Variants in SPG21 observed in about 807,000 individuals in gnomAD.
SPG21 encodes the protein maspardin.
SPG21 carries 26 observed loss-of-function variants against 38.9 expected under a neutral mutation model. That is an observed-to-expected ratio of 0.67 (90% CI 0.49 to 0.93). The LOEUF is 0.93. Ranked by LOEUF, SPG21 falls within the 40% of genes least tolerant of loss-of-function variation. The pLI is 0.00. For missense variants in SPG21, 333 were observed against 376.5 expected (o/e 0.88, Z 0.96); for synonymous variants, 136 against 128.9 (o/e 1.05, Z -0.37).
At chr15:64,982,428 A>G (rs1371903077) in intron 2 of SPG21, among the ~76,000 whole-genome samples, 1 of 152,054 alleles carries the variant, frequency 6.6e-6, no homozygotes, top group African/African-American at 2.4e-5. Flanking sequence ...TTACAGGTGC[A>G]CAGCACCATG....
intron 2 of SPG21, among the ~76,000 whole-genome samples, chr15:64,982,670 G>A (rs1459146292): frequency 6.6e-6 from 1 of 152,242 alleles, no homozygotes; most frequent in African/African-American, 2.4e-5. Context: ...CCTTTGTCTA[G>A]TGTGATCCCC....
chr15:64,971,638 C>A (rs7180720), intron 5 of SPG21, among the ~76,000 whole-genome samples: 75,550 of 151,748 alleles, frequency 0.5, 19,730 homozygotes, highest in East Asian at 0.85. Flanking sequence ...GAGTTCAAGA[C>A]CAGCCTGGCC....
chr15:64,966,899 A>C (rs2085550489), intron 7 of SPG21, among the ~76,000 whole-genome samples: 1 of 9,904 alleles, frequency 1.0e-4, no homozygotes. Context: ...ACTTTGTCTC[A>C]AAAAAACAAA....
In SPG21 at chr15:64,984,387, CT is replaced by C. The variant is rs575054893; in HGVS notation, c.-24-795del. On this transcript the variant is annotated intron_variant, in intron 1 of 8. Coordinates refer to ENST00000204566, the MANE Select transcript of SPG21 (RefSeq NM_016630.7). ...TTTTAATTTTTGAGACAGTCTTGCTCTGTTGTCCAGGCTGCAGTTCAATGGC... is the reference window on the plus strand; with the variant it reads ...TTTTAATTTTTGAGACAGTCTTGCTCGTTGTCCAGGCTGCAGTTCAATGGC... Among the ~76,000 whole-genome samples, 13 of 152,264 alleles carry C rather than the reference CT, an allele frequency of 8.5e-5. No homozygotes were observed. In the East Asian group the frequency reaches 2.5e-3, roughly 29 times the overall value.
At chr15:64,981,320 CG>C in intron 2 of SPG21, 1 of 349,912 alleles carries the variant, frequency 2.9e-6, no homozygotes, top group East Asian at 7.0e-5. Flanking sequence ...GACAGAGTCT[CG>C]CTCTGTAGCC....
At chr15:64,975,787 C>A (rs567152674) in intron 4 of SPG21, among the ~76,000 whole-genome samples, 2 of 152,014 alleles carry the variant, frequency 1.3e-5, no homozygotes, top group African/African-American at 4.8e-5. Flanking sequence ...TAAAGAGAAA[C>A]GAAGTATTGA....
At chr15:64,963,992 A>AG (rs767075159) in intron 8 of SPG21, among the ~76,000 whole-genome samples, 9 of 152,232 alleles carry the variant, frequency 5.9e-5, no homozygotes, top group Non-Finnish European at 1.2e-4. Context: ...CCTGGCCTCA[A>AG]GTGATCCATC....
At chr15:64,970,651 T>C (rs975935931) in intron 5 of SPG21, among the ~76,000 whole-genome samples, 1 of 152,226 alleles carries the variant, frequency 6.6e-6, no homozygotes, top group Non-Finnish European at 1.5e-5. Context: ...ATATGAAAGC[T>C]ATTGCACCTC....
At chr15:64,989,056 G>A (rs903753835) in intron 1 of SPG21, 12 of 152,006 alleles carry the variant, frequency 7.9e-5, no homozygotes, top group Non-Finnish European at 1.6e-4. Flanking sequence ...ACCAGTGTAG[G>A]TGGAGACAAA....
intron 2 of SPG21, chr15:64,983,199 A>T: frequency 4.1e-6 from 1 of 243,214 alleles, no homozygotes; most frequent in Non-Finnish European, 8.8e-6. Flanking sequence ...CAGAGGTTGC[A>T]GTGAGCCGAG....
intron 1 of SPG21, among the ~76,000 whole-genome samples, chr15:64,984,880 G>T (rs1234533012): frequency 6.6e-6 from 1 of 151,716 alleles, no homozygotes; most frequent in Admixed American, 6.6e-5. Flanking sequence ...CTCCTGAGTA[G>T]CTGGGATTAC....
chr15:64,978,111 G>A (rs564452925), intron 3 of SPG21, among the ~76,000 whole-genome samples: 54 of 151,640 alleles, frequency 3.6e-4, no homozygotes, highest in South Asian at 1.1e-3. Context: ...GATTACAGGC[G>A]TGAGCCACCG....
chr15:64,983,550 G>A lies in SPG21; in HGVS notation c.20C>T (p.Ser7Phe). The stretch of plus-strand genomic sequence containing the variant: ...ACCTCTAAACCAGTTATAATCAGGA[G>A]AGACTTTAATCTCTCCCATGATTAG... Reference protein sequence around the residue: MGEIKVSPDYNWFRGTV... With the variant: MGEIKVFPDYNWFRGTV... Residue 7 changes from serine to phenylalanine, a missense_variant, in exon 2 of 9, where the codon TCT (serine) becomes TTT (phenylalanine). Physicochemically the swap from Ser to Phe is radical, Grantham distance 155 (BLOSUM62 -2). Coordinates refer to ENST00000204566, the MANE Select transcript of SPG21 (RefSeq NM_016630.7). The A allele has an allele frequency of 6.3e-7, 1 of 1,578,134 alleles. No individual in the cohort carries two copies. The highest frequency in any genetic ancestry group is 1.2e-5 in the South Asian group (1 of 86,948).
At chr15:64,976,424 C>CA (rs754287965) in intron 4 of SPG21, 51 bp downstream of exon 4, 20 of 1,411,084 alleles carry the variant, frequency 1.4e-5, no homozygotes, top group Middle Eastern at 1.8e-4. Flanking sequence ...GACTTCATCT[C>CA]AAAAAATAAA....
intron 1 of SPG21, among the ~76,000 whole-genome samples, chr15:64,987,864 G>A (rs1242740295): frequency 2.0e-5 from 3 of 152,076 alleles, no homozygotes; most frequent in Admixed American, 6.6e-5. Context: ...GTGCAGCCCC[G>A]TCTCTACTAA....
rs1205006835 is a variant in SPG21 at position 64,963,689 on chromosome 15, T to C, written c.858A>G (p.Pro286=). The change falls in exon 9 of 9, where the codon CCA becomes CCG. Residue 286 remains proline, a synonymous_variant. Coordinates refer to ENST00000204566, the MANE Select transcript of SPG21 (RefSeq NM_016630.7). The stretch of plus-strand genomic sequence containing the variant: ...CAAGCTCCTCGGCACTGACCATTGA[T>C]GGGTCAATGGCCGCGTATTTGGTTC... ...FHGTKYAAID[P]SMVSAEELEV... 3 of 1,614,044 alleles carry C rather than the reference T, an allele frequency of 1.9e-6. No homozygotes were observed. Among genetic ancestry groups the C allele is most frequent in the Admixed American group, 1.7e-5 (1 of 60,004 alleles).
chr15:64,963,590 G>A lies in SPG21; in HGVS notation c.*30C>T, dbSNP rs756826250. ...CACTGACTATACAAGAACACACCGG[G>A]TCAACTCATCATTGACAGCGAGAGA... On this transcript the variant is annotated 3_prime_UTR_variant, in exon 9 of 9. Coordinates refer to ENST00000204566, the MANE Select transcript of SPG21 (RefSeq NM_016630.7). 5 of 1,573,460 alleles carry A rather than the reference G, an allele frequency of 3.2e-6. No individual in the cohort carries two copies. The African/African-American group carries it at 4.1e-5, about 13-fold the overall frequency.
At chr15:64,976,767 A>C (rs905569473) in intron 3 of SPG21, among the ~76,000 whole-genome samples, 2 of 152,174 alleles carry the variant, frequency 1.3e-5, no homozygotes, top group African/African-American at 2.4e-5. Flanking sequence ...ATAAAAAGTA[A>C]GCACACTCTA....
At chr15:64,972,780 T>C (rs542197719) in intron 5 of SPG21, among the ~76,000 whole-genome samples, 1 of 152,200 alleles carries the variant, frequency 6.6e-6, no homozygotes, top group South Asian at 2.1e-4. Flanking sequence ...TGCAGTGAGC[T>C]GAGATCGTGC....
Sources: gnomAD v4.1 joint callset for allele counts (sites outside exome capture counted in the v4.1 genomes callset) on GRCh38, gnomAD v4.1.1 for gene constraint, MANE v1.5 for transcripts, NCBI Gene and HGNC (gene_info 2026-07-23, HGNC 2026-07-21) for gene names.